Variants in ZC3H14 observed in about 807,000 individuals in gnomAD.
ZC3H14 encodes zinc finger CCCH domain-containing protein 14.
In ZC3H14, 31 loss-of-function variants were observed where a neutral mutation model predicts 92.4. That is an observed-to-expected ratio of 0.34 (90% CI 0.25 to 0.45). ZC3H14 has a LOEUF of 0.45. Ranked by LOEUF, ZC3H14 falls within the 20% of genes least tolerant of loss-of-function variation. ZC3H14 has a pLI of 1.00. For missense variants in ZC3H14, 781 were observed against 897.3 expected, an observed-to-expected ratio of 0.87 and a Z score of 1.66; for synonymous variants, 321 against 300.9, an observed-to-expected ratio of 1.07 and a Z score of -0.69.
chr14:88,584,465 G>A (rs534385373), intron 9 of ZC3H14, among the ~76,000 whole-genome samples: 2 of 152,202 alleles, frequency 1.3e-5, no homozygotes, highest in Admixed American at 6.5e-5. Flanking sequence ...CAAAATATAT[G>A]CACACAAACA....
At position 88,578,023 on chromosome 14, in the gene ZC3H14, C is replaced by T; in HGVS notation, c.1162C>T (p.Arg388Ter). Residue 388 changes from arginine (R) to a stop codon, truncating the protein, a stop_gained, in exon 9 of 17, where the codon CGA becomes TGA. Coordinates refer to ENST00000251038, the MANE Select transcript of ZC3H14 (RefSeq NM_024824.5). LOFTEE classifies it high-confidence loss of function. ...KQTLPVAPRT[R>*]TSQEELLAEV... ...GACACTTCCAGTTGCTCCCAGAACT[C>T]GAACTTCTCAAGAAGAATTGCTAGC... is the stretch of plus-strand genomic sequence containing the variant. 6.2e-7 allele frequency: 1 copy of T among 1,614,088 alleles called. No individual in the cohort carries two copies. The highest frequency in any genetic ancestry group is 8.5e-7 in the Non-Finnish European group (1 of 1,180,022).
intron 9 of ZC3H14, chr14:88,591,885 A>G (rs188673451): frequency 6.6e-6 from 1 of 152,220 alleles, no homozygotes; most frequent in Admixed American, 6.5e-5. Flanking sequence ...TAGGAGCCAG[A>G]CTACCGAAGG....
Position 88,610,832 on chromosome 14 carries a change from A to G in ZC3H14, c.2098-2A>G. 6.2e-7 allele frequency: 1 copy of G among 1,612,898 alleles called. No homozygotes were observed. Among genetic ancestry groups the G allele is most frequent in the Admixed American group, 1.7e-5 (1 of 60,014 alleles). ...TGTTGAAGCTCTGTTATCTCTATTC[A>G]GCATTGTAGGTTTAACACTCAATGT... On this transcript the variant is annotated splice_acceptor_variant, in intron 15 of 16. Coordinates refer to ENST00000251038, the MANE Select transcript of ZC3H14 (RefSeq NM_024824.5). LOFTEE classifies it high-confidence loss of function.
At chr14:88,563,359 G>A (rs1218813481) in intron 1 of ZC3H14, 190 bp downstream of exon 1, 2 of 1,451,870 alleles carry the variant, frequency 1.4e-6, no homozygotes, top group South Asian at 1.5e-5. Flanking sequence ...GAGCGTGGCT[G>A]CGGCTGAAGT....
chr14:88,626,956 C>T lies in ZC3H14; in HGVS notation c.*15205C>T, dbSNP rs1225325668. On this transcript the variant is annotated 3_prime_UTR_variant, in exon 17 of 17. Coordinates refer to ENST00000251038, the MANE Select transcript of ZC3H14 (RefSeq NM_024824.5). ...GGTCCAGAACTTCACATGTTTTACTCCCACTGAGACAAACTGGGTATCTGA... is the reference window on the plus strand; with the variant it reads ...GGTCCAGAACTTCACATGTTTTACTTCCACTGAGACAAACTGGGTATCTGA... The T allele has an allele frequency of 6.2e-7, 1 of 1,613,940 alleles. No individual in the cohort carries two copies. The highest frequency in any genetic ancestry group is 1.7e-5 in the Admixed American group (1 of 60,008).
chr14:88,566,124 C>T (rs2079588739), intron 2 of ZC3H14, among the ~76,000 whole-genome samples: 1 of 148,478 alleles, frequency 6.7e-6, no homozygotes, highest in Non-Finnish European at 1.5e-5. Context: ...AGGTGATCCA[C>T]TTGTCTCAGC....
At position 88,625,050 on chromosome 14, in the gene ZC3H14, C is replaced by T. The variant is rs372615702; in HGVS notation, c.*13299C>T. On this transcript the variant is annotated 3_prime_UTR_variant, in exon 17 of 17. Transcript: ENST00000251038. Reference sequence around the variant, plus strand: ...CAAACACAGGCCCGTTGTGAGCTCTCGCCACGATTCTACACAATATGTGAT... The same window carrying T: ...CAAACACAGGCCCGTTGTGAGCTCTTGCCACGATTCTACACAATATGTGAT... 3.6e-5 allele frequency: 58 copies of T among 1,613,754 alleles called. No homozygotes were observed. The highest frequency in any genetic ancestry group is 9.3e-5 in the African/African-American group (7 of 74,976).
At chr14:88,580,437 A>T (rs1187594647) in intron 9 of ZC3H14, among the ~76,000 whole-genome samples, 2 of 152,262 alleles carry the variant, frequency 1.3e-5, no homozygotes, top group East Asian at 3.8e-4. Context: ...GTTGAAGATC[A>T]GCCAGGGCAA....
chr14:88,592,161 G>A (rs183289381), intron 9 of ZC3H14: 7 of 146,302 alleles, frequency 4.8e-5, no homozygotes, highest in Admixed American at 1.4e-4. Flanking sequence ...CGTTCTGTTA[G>A]ACCTCTTTCC....
intron 4 of ZC3H14, 34 bp from the exon 5 acceptor site, chr14:88,571,996 A>C: frequency 6.8e-7 from 1 of 1,476,068 alleles, no homozygotes; most frequent in Non-Finnish European, 9.2e-7. Flanking sequence ...TAAGAAATAA[A>C]AATAGATTAA....
intron 8 of ZC3H14, 131 bp from the exon 9 acceptor site, chr14:88,577,854 C>T (rs1182832544): frequency 2.6e-6 from 3 of 1,169,808 alleles, no homozygotes; most frequent in South Asian, 2.6e-5. Flanking sequence ...CAGGCATGAG[C>T]CACTGCGCCC....
rs1281430673 is a variant in ZC3H14, at chr14:88,620,881, A to G, written c.*9130A>G. ...ACCATGTCCCCTTCAGGGCTGTAAC[A>G]CACAGTACGAGCAGCATGTCCCAAA... is the stretch of plus-strand genomic sequence containing the variant. On this transcript the variant is annotated 3_prime_UTR_variant, in exon 17 of 17. Transcript: ENST00000251038. This position sits in a 1 kb window ranked among gnomAD's most constrained non-coding sequence, Gnocchi z 4.3. 1 of 1,567,948 alleles carries G rather than the reference A, an allele frequency of 6.4e-7. No homozygotes were observed.
rs368905674 is a variant in ZC3H14, at chr14:88,624,007, CAT to C, written c.*12259_*12260del. On this transcript the variant is annotated 3_prime_UTR_variant, in exon 17 of 17. Transcript: ENST00000251038. The stretch of plus-strand genomic sequence containing the variant: ...AAATTCTGCGCTTGTGTTTAATTAA[CAT>C]ATGTGGGTTCTTTCAATCCTGTATT... The C allele has an allele frequency of 5.9e-5, 9 of 152,306 alleles. No homozygotes were observed. The highest frequency in any genetic ancestry group is 1.7e-4 in the African/African-American group (7 of 41,570). 9.4% of individuals were successfully genotyped at this position (152,306 alleles called of 1,614,324 possible).
In ZC3H14 at chr14:88,574,931, G is replaced by A. The variant is rs115320053; in HGVS notation, c.1022+78G>A. ...CTGATTTATTGAAGAGAATAATCAC[G>A]AAAATAATTTTTGTTTGTTTTTTGA... On this transcript the variant is annotated intron_variant, in intron 7 of 16. Transcript: ENST00000251038. 1.3e-3 allele frequency: 2,011 copies of A among 1,599,882 alleles called. 22 individuals carry two copies. The African/African-American group carries it at 0.022, about 17-fold the overall frequency.
intron 12 of ZC3H14, among the ~76,000 whole-genome samples, chr14:88,603,965 C>T (rs1166246503): frequency 1.3e-5 from 2 of 152,138 alleles, no homozygotes; most frequent in Admixed American, 6.5e-5. Flanking sequence ...GAATCAATGA[C>T]GTAGTGTCGT....
At chr14:88,610,772 A>G in intron 15 of ZC3H14, 62 bp from the exon 16 acceptor site, 1 of 1,515,062 alleles carries the variant, frequency 6.6e-7, no homozygotes, top group Non-Finnish European at 9.2e-7. Flanking sequence ...CAAATAATAA[A>G]ATAATGTGTT....
chr14:88,616,562 G>A lies in ZC3H14; in HGVS notation c.*4811G>A. 1 of 707,068 alleles carries A rather than the reference G, an allele frequency of 1.4e-6. No individual in the cohort carries two copies. The highest frequency in any genetic ancestry group is 2.3e-6 in the Non-Finnish European group (1 of 438,998). 43.8% of individuals were successfully genotyped at this position (707,068 alleles called of 1,614,324 possible). A position where few individuals can be genotyped will look rare whatever the true frequency, so the allele number is the denominator to read the frequency against. ...AAAGATGGTATTACTCGAGGGAGAG[G>A]ATTTGTTTCTAATAGCTTTTATTTC... On this transcript the variant is annotated 3_prime_UTR_variant, in exon 17 of 17. Coordinates refer to ENST00000251038, the MANE Select transcript of ZC3H14 (RefSeq NM_024824.5).
At chr14:88,608,022 C>A (rs1474768417) in intron 13 of ZC3H14, 14 of 378,438 alleles carry the variant, frequency 3.7e-5, no homozygotes, top group Non-Finnish European at 6.9e-5. Flanking sequence ...GAGTACCATC[C>A]CCCATCTCAC....
rs1218369146 is a variant in ZC3H14, at chr14:88,596,727, A to G, written c.1280-7A>G. The G allele has an allele frequency of 5.6e-6, 9 of 1,613,358 alleles. No homozygotes were observed. The highest frequency in any genetic ancestry group is 7.6e-6 in the Non-Finnish European group (9 of 1,179,464). ...AGCTTAGTGAAGTTTTAAAATTTAT[A>G]TTCTAGGAACTCAACAGAGGCAATT... On this transcript the variant is annotated splice_polypyrimidine_tract_variant and splice_region_variant and intron_variant, in intron 9 of 16. Coordinates refer to ENST00000251038, the MANE Select transcript of ZC3H14 (RefSeq NM_024824.5).
Sources: allele counts gnomAD v4.1 joint callset (sites outside exome capture counted in the v4.1 genomes callset), GRCh38; gene constraint gnomAD v4.1.1; non-coding constraint Gnocchi (gnomAD v3.1); transcripts MANE v1.5; gene names NCBI Gene and HGNC (gene_info 2026-07-23, HGNC 2026-07-21).